PDE4D: variants seen among roughly 807,000 people sequenced by gnomAD.
PDE4D encodes the protein phosphodiesterase 4D, also known as 3',5'-cyclic-AMP phosphodiesterase 4D.
PDE4D carries 24 observed loss-of-function variants against 87.4 expected under a neutral mutation model. The observed-to-expected ratio is 0.27, with a 90% confidence interval of 0.20 to 0.39. The LOEUF (loss-of-function observed/expected upper bound fraction) is 0.39. Among genes scored for constraint, PDE4D ranks in the 10% least tolerant of loss-of-function variants. The probability of loss-of-function intolerance (pLI) is 1.00; values close to 1 mark genes in which losing one functional copy is unlikely to be tolerated. For missense variants in PDE4D, 714 were observed against 1,041.0 expected, an observed-to-expected ratio of 0.69 and a Z score of 4.32; for synonymous variants, 384 against 383.2, an observed-to-expected ratio of 1.00 and a Z score of -0.02.
intron 5 of PDE4D, among the ~76,000 whole-genome samples, chr5:59,089,568 A>C (rs1768325460): frequency 6.6e-6 from 1 of 152,168 alleles, no homozygotes; most frequent in South Asian, 2.1e-4. Flanking sequence ...TGAGGCACAG[A>C]GAACCTCAAG....
chr5:59,085,019 A>C (rs1369230658), intron 5 of PDE4D, among the ~76,000 whole-genome samples: 2 of 152,178 alleles, frequency 1.3e-5, no homozygotes, highest in African/African-American at 4.8e-5. Flanking sequence ...ATAAATCTTT[A>C]AAATATTGGG....
intron 5 of PDE4D, among the ~76,000 whole-genome samples, chr5:59,107,345 A>T (rs1165345860): frequency 6.6e-6 from 1 of 152,140 alleles, no homozygotes; most frequent in Non-Finnish European, 1.5e-5. Context: ...AGTAACTAAG[A>T]TTACAGGCAT....
chr5:59,750,791 C>T (rs141834807), intron 1 of PDE4D, among the ~76,000 whole-genome samples: 13 of 151,996 alleles, frequency 8.6e-5, no homozygotes, highest in African/African-American at 3.1e-4. Flanking sequence ...AAAAAGTTAT[C>T]TAGGCCTGGT....
intron 1 of PDE4D, among the ~76,000 whole-genome samples, chr5:59,462,512 T>C (rs1800924731): frequency 6.6e-6 from 1 of 152,166 alleles, no homozygotes; most frequent in Non-Finnish European, 1.5e-5. Flanking sequence ...ATCAGATGAG[T>C]ACAACCCCAT....
At chr5:59,843,853 A>G (rs1395458116) in intron 1 of PDE4D, among the ~76,000 whole-genome samples, 2 of 152,110 alleles carry the variant, frequency 1.3e-5, no homozygotes, top group Admixed American at 6.6e-5. Flanking sequence ...GCTACTTGCA[A>G]TTGAGACCTG....
intron 2 of PDE4D, among the ~76,000 whole-genome samples, chr5:60,137,406 C>T (rs937688013): frequency 1.3e-5 from 2 of 152,202 alleles, no homozygotes; most frequent in African/African-American, 4.8e-5. Context: ...AACTAATTTA[C>T]ACTTTCACCA....
chr5:59,762,350 A>ATATGTGTATATGGGTACACATATGCG (rs1561615664), intron 1 of PDE4D, among the ~76,000 whole-genome samples: 58 of 61,078 alleles, frequency 9.5e-4, no homozygotes, highest in African/African-American at 3.9e-3. Context: ...ACACATATGC[A>ATATGTGTATATGGGTACACATATGCG]TATATGTGTA....
chr5:60,379,125 C>G (rs944542004), intron 1 of PDE4D, among the ~76,000 whole-genome samples: 1 of 151,744 alleles, frequency 6.6e-6, no homozygotes, highest in Non-Finnish European at 1.5e-5. Context: ...AGGCAATGCT[C>G]CCTATTGGCA....
chr5:60,253,085 A>G (rs915199481), intron 1 of PDE4D, among the ~76,000 whole-genome samples: 18 of 151,860 alleles, frequency 1.2e-4, no homozygotes, highest in South Asian at 8.3e-4. Context: ...AAGACCAAAG[A>G]ACATCAGTAC....
At chr5:60,059,098 C>A (rs897591406) in intron 2 of PDE4D, among the ~76,000 whole-genome samples, 4 of 135,168 alleles carry the variant, frequency 3.0e-5, no homozygotes. Flanking sequence ...CATGTTATTT[C>A]TCCATTCTGT....
chr5:59,341,421 C>T (rs898304381), intron 1 of PDE4D, among the ~76,000 whole-genome samples: 8 of 152,076 alleles, frequency 5.3e-5, no homozygotes, highest in African/African-American at 1.9e-4. Flanking sequence ...ATAGTCCACA[C>T]CACAAAAGCC....
rs192327201 is a variant in PDE4D at position 59,988,398 on chromosome 5, C to T, written c.272+90G>A. Reference sequence around the variant, plus strand: ...AACCCCATTGTTCTCCCACTCAAATCAAGCAATGAGCCACAAAAACTCAAA... The same window carrying T: ...AACCCCATTGTTCTCCCACTCAAATTAAGCAATGAGCCACAAAAACTCAAA... On this transcript the variant is annotated intron_variant, in intron 3 of 16. Transcript: ENST00000502484. 3.5e-4 allele frequency: 251 copies of T among 724,350 alleles called. 1 individual carries two copies. The African/African-American group carries it at 4.2e-3, about 12-fold the overall frequency. The allele number at this position is 724,350 out of a possible 1,614,324, so 44.9% of individuals were successfully genotyped here. A position where few individuals can be genotyped will look rare whatever the true frequency, so the allele number is the denominator to read the frequency against.
chr5:59,015,871 A>G (rs1337050153), intron 6 of PDE4D, among the ~76,000 whole-genome samples: 1 of 152,206 alleles, frequency 6.6e-6, no homozygotes, highest in African/African-American at 2.4e-5. Context: ...CTTGGAACCA[A>G]CCCAAATGTC....
chr5:59,835,393 C>T (rs1741864934), intron 1 of PDE4D, among the ~76,000 whole-genome samples: 1 of 151,956 alleles, frequency 6.6e-6, no homozygotes, highest in African/African-American at 2.4e-5. Flanking sequence ...ACAAACAGTA[C>T]TAGAATACAT....
At chr5:60,285,484 C>G (rs1234699006) in intron 1 of PDE4D, among the ~76,000 whole-genome samples, 1 of 151,630 alleles carries the variant, frequency 6.6e-6, no homozygotes, top group African/African-American at 2.4e-5. Context: ...CTGCCTAATG[C>G]TCCCCATTAC....
At chr5:59,402,320 T>G (rs1429758509) in intron 1 of PDE4D, among the ~76,000 whole-genome samples, 1 of 152,186 alleles carries the variant, frequency 6.6e-6, no homozygotes, top group Non-Finnish European at 1.5e-5. Flanking sequence ...TAAATCATCT[T>G]TAGAGTGAGA....
chr5:59,130,444 T>A (rs945877524), intron 5 of PDE4D, among the ~76,000 whole-genome samples: 2 of 152,238 alleles, frequency 1.3e-5, no homozygotes, highest in Non-Finnish European at 2.9e-5. Context: ...TACTACAAAA[T>A]TGAGTTAATT....
intron 1 of PDE4D, among the ~76,000 whole-genome samples, chr5:60,484,328 T>C (rs909244713): frequency 2.6e-5 from 4 of 152,128 alleles, no homozygotes; most frequent in African/African-American, 9.7e-5. Flanking sequence ...ATCTAACTAT[T>C]GGCTTAGTGC....
Position 59,913,303 on chromosome 5 carries a change from T to G in PDE4D, c.272+75185A>C, listed in dbSNP as rs112963008. 2.2e-4 allele frequency among the ~76,000 whole-genome samples: 34 copies of G among 152,310 alleles called. 1 individual carries two copies. Among genetic ancestry groups the G allele is most frequent in the African/African-American group, 7.7e-4 (32 of 41,566 alleles). On this transcript the variant is annotated intron_variant, in intron 3 of 16. Coordinates refer to the PDE4D transcript ENST00000502484. ...ACATTGACTCTTTCAAGTCCTTTAG[T>G]AGAAAATTCCCAAAGCTTGGGGAGT...
Sources: gnomAD v4.1 joint callset for allele counts (sites outside exome capture counted in the v4.1 genomes callset) on GRCh38, gnomAD v4.1.1 for gene constraint, MANE v1.5 for transcripts, NCBI Gene and HGNC (gene_info 2026-07-23, HGNC 2026-07-21) for gene names.